CEP128: variants seen among roughly 807,000 people sequenced by gnomAD.
CEP128 encodes the protein centrosomal protein 128kDa.
Under a neutral mutation model 156.7 loss-of-function variants are expected in CEP128, and 132 were observed. The observed-to-expected ratio is 0.84, with a 90% CI of 0.73 to 0.97. CEP128 has a LOEUF of 0.97. Among genes scored for constraint, CEP128 ranks in the 50% least tolerant of loss-of-function variants. The probability of loss-of-function intolerance (pLI) is 0.00; values close to 1 mark genes in which losing one functional copy is unlikely to be tolerated. For synonymous variants in CEP128, 469 were observed against 448.9 expected, an observed-to-expected ratio of 1.04 and a Z score of -0.57; for missense variants, 1,252 against 1,281.9, an observed-to-expected ratio of 0.98 and a Z score of 0.36.
intron 14 of CEP128, among the ~76,000 whole-genome samples, chr14:80,792,152 G>A (rs184673589): frequency 6.0e-4 from 92 of 152,306 alleles, no homozygotes; most frequent in African/African-American, 2.0e-3. Flanking sequence ...AAAAGATAAT[G>A]TGAAATGCAT....
chr14:80,518,185 T>C (rs1888579610), intron 23 of CEP128, among the ~76,000 whole-genome samples: 1 of 150,010 alleles, frequency 6.7e-6, no homozygotes. Flanking sequence ...TCTCAGGTGA[T>C]AGATGATTGA....
intron 19 of CEP128, among the ~76,000 whole-genome samples, chr14:80,593,529 A>AAAAAT (rs1892174967): frequency 6.9e-6 from 1 of 145,018 alleles, no homozygotes. Flanking sequence ...CCTGGGTGAC[A>AAAAAT]GAGCAAGACT....
At chr14:80,608,989 G>A (rs889676763) in intron 19 of CEP128, among the ~76,000 whole-genome samples, 3 of 152,060 alleles carry the variant, frequency 2.0e-5, no homozygotes, top group Non-Finnish European at 4.4e-5. Flanking sequence ...ATTGACTATA[G>A]GAATGCATAT....
intron 19 of CEP128, among the ~76,000 whole-genome samples, chr14:80,633,899 A>G (rs570848406): frequency 4.6e-5 from 7 of 152,334 alleles, no homozygotes; most frequent in African/African-American, 1.7e-4. Flanking sequence ...CTGGACCACA[A>G]TGAATTCATC....
In CEP128 at chr14:80,594,156, G is replaced by C. The variant is rs143005825; in HGVS notation, c.2807-13733C>G. On this transcript the variant is annotated intron_variant, in intron 19 of 24. Coordinates refer to ENST00000555265, the MANE Select transcript of CEP128 (RefSeq NM_152446.5). ...CAAATGGAACAGAACAGAGGCCTCAGAAATAACTCCACACATCTACAACCA... is the reference window on the plus strand; with the variant it reads ...CAAATGGAACAGAACAGAGGCCTCACAAATAACTCCACACATCTACAACCA... Among the ~76,000 whole-genome samples the C allele has an allele frequency of 2.7e-3, 414 of 152,290 alleles. 2 individuals are homozygous for C. Among genetic ancestry groups the C allele is most frequent in the African/African-American group, 9.0e-3 (375 of 41,550 alleles).
intron 12 of CEP128, among the ~76,000 whole-genome samples, chr14:80,834,234 G>A (rs1885959207): frequency 6.6e-6 from 1 of 152,058 alleles, no homozygotes. Flanking sequence ...CAAATACAAA[G>A]AATGTAAATA....
chr14:80,504,490 G>A (rs1887877402), intron 24 of CEP128, among the ~76,000 whole-genome samples: 1 of 152,206 alleles, frequency 6.6e-6, no homozygotes, highest in African/African-American at 2.4e-5. Context: ...AAGATTCACA[G>A]AGTGAAATCT....
chr14:80,527,986 T>C (rs1038363597), intron 22 of CEP128, among the ~76,000 whole-genome samples: 6 of 151,846 alleles, frequency 4.0e-5, no homozygotes, highest in African/African-American at 1.2e-4. Flanking sequence ...AGAAAAACAA[T>C]GAGGACAACT....
chr14:80,684,907 T>G (rs767572215), intron 19 of CEP128, among the ~76,000 whole-genome samples: 19 of 151,968 alleles, frequency 1.3e-4, no homozygotes, highest in Non-Finnish European at 2.2e-4. Flanking sequence ...CGCTTCATGA[T>G]AAAAAACCCT....
intron 8 of CEP128, among the ~76,000 whole-genome samples, chr14:80,882,973 G>A (rs923994382): frequency 5.3e-5 from 8 of 152,028 alleles, no homozygotes; most frequent in African/African-American, 1.9e-4. Flanking sequence ...AATAAGACCT[G>A]GTGTTTGATA....
chr14:80,489,339 T>A (rs555564676), downstream of CEP128, among the ~76,000 whole-genome samples: 3 of 150,638 alleles, frequency 2.0e-5, no homozygotes, highest in East Asian at 5.8e-4. Context: ...TTATTGATAA[T>A]TGCAAGAATT....
intron 19 of CEP128, among the ~76,000 whole-genome samples, chr14:80,667,146 T>C (rs553632342): frequency 1.3e-5 from 2 of 152,248 alleles, no homozygotes; most frequent in African/African-American, 4.8e-5. Flanking sequence ...CCCAAAATGC[T>C]CATTCCAGTA....
chr14:80,558,753 A>G (rs569838835), intron 21 of CEP128, among the ~76,000 whole-genome samples: 1 of 152,196 alleles, frequency 6.6e-6, no homozygotes, highest in Non-Finnish European at 1.5e-5. Flanking sequence ...TATTGTATGC[A>G]TGTAGTCTTG....
intron 9 of CEP128, among the ~76,000 whole-genome samples, chr14:80,842,987 G>T (rs1484921582): frequency 6.6e-6 from 1 of 151,638 alleles, no homozygotes; most frequent in Non-Finnish European, 1.5e-5. Flanking sequence ...ATCGTGTATT[G>T]TACTACTGCA....
chr14:80,576,624 CGT>C (rs753148123), intron 20 of CEP128, among the ~76,000 whole-genome samples: 365 of 112,512 alleles, frequency 3.2e-3, no homozygotes, highest in Non-Finnish European at 4.1e-3. Flanking sequence ...ATTACTCCGG[CGT>C]GTGTGTGTGT....
At chr14:80,519,703 G>A (rs1482086529) in intron 23 of CEP128, among the ~76,000 whole-genome samples, 3 of 152,118 alleles carry the variant, frequency 2.0e-5, no homozygotes, top group African/African-American at 4.8e-5. Flanking sequence ...GTCTCCATCT[G>A]TGTGGCTGCT....
In CEP128 at chr14:80,743,335, G is replaced by A. The variant is rs1404464305; in HGVS notation, c.2614-68C>T. 6.5e-6 allele frequency: 8 copies of A among 1,232,416 alleles called. No individual in the cohort carries two copies. The Admixed American group carries it at 9.9e-5, about 15-fold the overall frequency. 76.3% of individuals were successfully genotyped at this position (1,232,416 alleles called of 1,614,324 possible). A position where few individuals can be genotyped will look rare whatever the true frequency, so the allele number is the denominator to read the frequency against. The stretch of plus-strand genomic sequence containing the variant: ...AAAGAGCAGCATTTCAAAACATGAA[G>A]AAAAAAATAAGTAACATAATTTGAA... On this transcript the variant is annotated intron_variant, in intron 18 of 24. Transcript: ENST00000555265.
chr14:80,585,963 T>C (rs1309736749), intron 19 of CEP128, among the ~76,000 whole-genome samples: 1 of 152,228 alleles, frequency 6.6e-6, no homozygotes, highest in Non-Finnish European at 1.5e-5. Context: ...CTTAGCCTTC[T>C]ATTATTCCAT....
intron 1 of CEP128, among the ~76,000 whole-genome samples, chr14:80,959,008 A>G (rs1886869143): frequency 6.6e-6 from 1 of 152,180 alleles, no homozygotes; most frequent in Non-Finnish European, 1.5e-5. Flanking sequence ...CTCTTTCTAA[A>G]CTTTATCTTC....
Sources: allele counts gnomAD v4.1 joint callset (sites outside exome capture counted in the v4.1 genomes callset), GRCh38; gene constraint gnomAD v4.1.1; transcripts MANE v1.5; gene names NCBI Gene and HGNC (gene_info 2026-07-23, HGNC 2026-07-21).